Variants in RALGDS observed in about 807,000 individuals in gnomAD.
The protein encoded by RALGDS is ral guanine nucleotide exchange factor.
RALGDS carries 44 observed loss-of-function variants against 99.8 expected under a neutral mutation model. The ratio of observed to expected loss-of-function variants is 0.44; its 90% CI spans 0.35 to 0.57. The LOEUF is 0.57. Ranked by LOEUF, RALGDS falls within the 20% of genes least tolerant of loss-of-function variation. RALGDS has a pLI of 0.01. For missense variants in RALGDS, 1,022 were observed against 1,203.1 expected, an observed-to-expected ratio of 0.85 and a Z score of 2.23; for synonymous variants, 529 against 505.0, an observed-to-expected ratio of 1.05 and a Z score of -0.64.
chr9:133,117,436 C>G (rs1459594874), intron 1 of RALGDS, among the ~76,000 whole-genome samples: 1 of 152,224 alleles, frequency 6.6e-6, no homozygotes, highest in Admixed American at 6.5e-5. Context: ...GGGAGGCTGC[C>G]AAAGCATGCA....
In RALGDS at chr9:133,121,056, C is replaced by T. The variant is rs764951949; in HGVS notation, c.99G>A (p.Val33=). Residue 33 remains valine (V), a synonymous_variant, in exon 1 of 18, where the codon GTG becomes GTA. Coordinates refer to ENST00000372050, the MANE Select transcript of RALGDS (RefSeq NM_006266.4). The part of the protein sequence containing the change: ...SRRSRSVWDA[V]RLEVGVPDSC... Reference sequence around the variant, plus strand: ...TGTCGGGGACGCCCACCTCCAGGCGCACGGCGTCCCACACGCTGCGGCTCC... The same window carrying T: ...TGTCGGGGACGCCCACCTCCAGGCGTACGGCGTCCCACACGCTGCGGCTCC... 1.6e-5 allele frequency: 24 copies of T among 1,490,738 alleles called. 1 individual carries two copies. Among genetic ancestry groups the T allele is most frequent in the South Asian group, 1.3e-4 (10 of 79,674 alleles). 92.3% of individuals were successfully genotyped at this position (1,490,738 alleles called of 1,614,324 possible). A position where few individuals can be genotyped will look rare whatever the true frequency, so the allele number is the denominator to read the frequency against.
chr9:133,144,367 CCCCTGTCA>C lies in RALGDS; in HGVS notation c.18+4588_18+4595del, dbSNP rs1588574968. 1.3e-5 allele frequency among the ~76,000 whole-genome samples: 2 copies of C among 152,142 alleles called. No individual in the cohort carries two copies. The highest frequency in any genetic ancestry group is 3.9e-4 in the East Asian group (2 of 5,190). On this transcript the variant is annotated intron_variant, in intron 1 of 17. Coordinates refer to the RALGDS transcript ENST00000393160. The surrounding 1 kb of genome is among the most constrained non-coding windows in gnomAD (Gnocchi z 4.5). ...CTGCAAACCATGGTCCTCCTCGCCA[CCCCTGTCA>C]CCTCCTCCTCCGCCCCCCGCCGGCC...
At chr9:133,100,243 A>G in intron 17 of RALGDS, 25 bp downstream of exon 17, 1 of 1,606,684 alleles carries the variant, frequency 6.2e-7, no homozygotes, top group Non-Finnish European at 8.5e-7. Flanking sequence ...CCCCTCTGCC[A>G]TCGCCCTCTG....
intron 1 of RALGDS, chr9:133,148,950 G>C: frequency 1.2e-6 from 2 of 1,602,320 alleles, no homozygotes; most frequent in Non-Finnish European, 1.7e-6. Flanking sequence ...GGCTGGGGAC[G>C]GCGCGCACTC....
In RALGDS at chr9:133,144,695, TGTCTTCC is replaced by T. The variant is rs1209759476; in HGVS notation, c.18+4261_18+4267del. Among the ~76,000 whole-genome samples, 1 of 152,236 alleles carries T rather than the reference TGTCTTCC, an allele frequency of 6.6e-6. No homozygotes were observed. The highest frequency in any genetic ancestry group is 1.5e-5 in the Non-Finnish European group (1 of 68,034). On this transcript the variant is annotated intron_variant, in intron 1 of 17. Transcript: ENST00000393160. The surrounding 1 kb of genome is among the most constrained non-coding windows in gnomAD (Gnocchi z 4.5). ...CTGGCTGGGGGCTGGGTTCCTGCGA[TGTCTTCC>T]GACTCCCCGCTGCTCCCCTAGTCCC...
At chr9:133,132,793 C>A (rs1006264554), upstream of RALGDS, among the ~76,000 whole-genome samples, 3 of 151,970 alleles carry the variant, frequency 2.0e-5, no homozygotes, top group Non-Finnish European at 2.9e-5. Context: ...GCATGCGGCA[C>A]CACGCCCAGC....
intron 1 of RALGDS, among the ~76,000 whole-genome samples, chr9:133,136,557 T>C (rs1339342959): frequency 6.7e-6 from 1 of 150,066 alleles, no homozygotes; most frequent in Non-Finnish European, 1.5e-5. Context: ...GGGTGGATCA[T>C]GAGGTCAGGA....
At chr9:133,128,686 C>T (rs1425682278) in intron 1 of RALGDS, among the ~76,000 whole-genome samples, 1 of 152,228 alleles carries the variant, frequency 6.6e-6, no homozygotes, top group Non-Finnish European at 1.5e-5. Flanking sequence ...GTTCCAGTGC[C>T]TGCTCTGTGT....
chr9:133,104,998 C>T (rs1451608828), intron 9 of RALGDS, among the ~76,000 whole-genome samples: 1 of 152,152 alleles, frequency 6.6e-6, no homozygotes, highest in Non-Finnish European at 1.5e-5. Context: ...GCCCTGGGCC[C>T]CCCAGGGACT....
intron 1 of RALGDS, among the ~76,000 whole-genome samples, chr9:133,128,958 C>T (rs973772927): frequency 6.6e-6 from 1 of 152,192 alleles, no homozygotes; most frequent in East Asian, 1.9e-4. Context: ...GAGCAGACCC[C>T]CAGTCTCCTC....
Position 133,130,575 on chromosome 9 carries a change from G to A in RALGDS, c.132+377C>T, listed in dbSNP as rs561750063. Among the ~76,000 whole-genome samples, 49 of 152,330 alleles carry A rather than the reference G, an allele frequency of 3.2e-4. No individual in the cohort carries two copies. The Middle Eastern group carries it at 0.01, about 32-fold the overall frequency. The stretch of plus-strand genomic sequence containing the variant: ...AGGGCTGCCATCAGAAAGAAGGGCA[G>A]GCTTGAAATGAGTACATTTGGCTTT... On this transcript the variant is annotated intron_variant, in intron 1 of 17. Coordinates refer to the RALGDS transcript ENST00000372062.
Position 133,105,160 on chromosome 9 carries a change from G to A in RALGDS, c.1602+772C>T, listed in dbSNP as rs546072545. Among the ~76,000 whole-genome samples, 267 of 152,248 alleles carry A rather than the reference G, an allele frequency of 1.8e-3. 2 individuals carry two copies. The highest frequency in any genetic ancestry group is 2.8e-3 in the Non-Finnish European group (192 of 67,984). ...GGAGGGAGAGGGACAGGTGTCCCAGGAGCCCCCTGCGATGCTCCCCTGTAG... is the reference window on the plus strand; with the variant it reads ...GGAGGGAGAGGGACAGGTGTCCCAGAAGCCCCCTGCGATGCTCCCCTGTAG... On this transcript the variant is annotated intron_variant, in intron 9 of 17. Transcript: ENST00000372050.
intron 1 of RALGDS, among the ~76,000 whole-genome samples, chr9:133,116,005 G>A (rs1831587347): frequency 6.6e-6 from 1 of 152,238 alleles, no homozygotes; most frequent in African/African-American, 2.4e-5. Context: ...TACAGAGGTG[G>A]GGACCCATGC....
chr9:133,112,713 A>C (rs547989681), intron 1 of RALGDS, among the ~76,000 whole-genome samples: 2 of 152,268 alleles, frequency 1.3e-5, no homozygotes. Flanking sequence ...GCAGGAACGC[A>C]CAGCTCCTCT....
In RALGDS at chr9:133,130,529, C is replaced by T. The variant is rs1832305467; in HGVS notation, c.132+423G>A. On this transcript the variant is annotated intron_variant, in intron 1 of 17. Transcript: ENST00000372062. ...CACTACTCCCACCATTCAGAAAAAA[C>T]ACCACCAAAGGTAACAAGAAAGGGC... Among the ~76,000 whole-genome samples the T allele has an allele frequency of 1.3e-5, 2 of 152,132 alleles. 1 individual carries two copies. The highest frequency in any genetic ancestry group is 4.1e-4 in the South Asian group (2 of 4,826).
Position 133,110,411 on chromosome 9 carries a change from C to T in RALGDS, c.373G>A (p.Val125Met). ...TVKAGTLEKL[V>M]EHLVPAFQGS... Reference sequence around the variant, plus strand: ...TGGAAGGCTGGCACCAGGTGCTCCACCAGCTTCTCCAGCGTGCCAGCCTTC... The same window carrying T: ...TGGAAGGCTGGCACCAGGTGCTCCATCAGCTTCTCCAGCGTGCCAGCCTTC... The change falls in exon 3 of 18, where the codon GTG becomes ATG. Residue 125 changes from valine to methionine, a missense_variant. Val to Met is a conservative substitution (Grantham distance 21). Coordinates refer to ENST00000372050, the MANE Select transcript of RALGDS (RefSeq NM_006266.4). 1 of 1,613,316 alleles carries T rather than the reference C, an allele frequency of 6.2e-7. No individual in the cohort carries two copies. The highest frequency in any genetic ancestry group is 8.5e-7 in the Non-Finnish European group (1 of 1,179,716).
intron 1 of RALGDS, among the ~76,000 whole-genome samples, chr9:133,139,471 C>T (rs1056354585): frequency 2.4e-4 from 36 of 152,160 alleles, no homozygotes; most frequent in Admixed American, 9.8e-4. Context: ...CTGCCCACTA[C>T]CCCCAGCTGT....
Position 133,106,761 on chromosome 9 carries a change from G to A in RALGDS, c.1414-13C>T, listed in dbSNP as rs1164095979. 1.3e-6 allele frequency: 2 copies of A among 1,586,274 alleles called. No homozygotes were observed. Among genetic ancestry groups the A allele is most frequent in the Non-Finnish European group, 1.7e-6 (2 of 1,157,558 alleles). ...GGATCCGGCACTCCTGGGGCGGGAA[G>A]AGCAGGAGGCATGAGGTGGGGCTGG... On this transcript the variant is annotated splice_polypyrimidine_tract_variant and intron_variant, in intron 7 of 17. Transcript: ENST00000372050.
At chr9:133,124,049 GAGAC>G (rs1447509310), upstream of RALGDS, among the ~76,000 whole-genome samples, 1 of 111,454 alleles carries the variant, frequency 9.0e-6, no homozygotes, top group African/African-American at 3.6e-5. Flanking sequence ...GACACACAGA[GAGAC>G]AGAGACACAG....
Sources: allele counts gnomAD v4.1 joint callset (sites outside exome capture counted in the v4.1 genomes callset), GRCh38; gene constraint gnomAD v4.1.1; non-coding constraint Gnocchi (gnomAD v3.1); transcripts MANE v1.5; gene names NCBI Gene and HGNC (gene_info 2026-07-23, HGNC 2026-07-21).